SCMH1: variants seen among roughly 807,000 people sequenced by gnomAD.
The protein encoded by SCMH1 is polycomb protein SCMH1.
A neutral mutation model predicts 70.8 loss-of-function variants in SCMH1; 37 were observed. The ratio of observed to expected loss-of-function variants is 0.52; its 90% confidence interval spans 0.40 to 0.69. The LOEUF (loss-of-function observed/expected upper bound fraction) is 0.69. Ranked by LOEUF, SCMH1 falls within the 30% of genes least tolerant of loss-of-function variation. SCMH1 has a pLI of 0.00. For synonymous variants in SCMH1, 292 were observed against 307.4 expected (o/e 0.95, Z 0.52); for missense variants, 607 against 827.3 (o/e 0.73, Z 3.27).
intron 13 of SCMH1, among the ~76,000 whole-genome samples, chr1:41,030,147 C>T (rs2148493195): frequency 6.6e-6 from 1 of 152,246 alleles, no homozygotes; most frequent in East Asian, 1.9e-4. Flanking sequence ...CCCAGGAGTT[C>T]CAGGCTGCAG....
At chr1:41,220,327 A>T (rs1440740881) in intron 1 of SCMH1, among the ~76,000 whole-genome samples, 1 of 152,240 alleles carries the variant, frequency 6.6e-6, no homozygotes, top group East Asian at 1.9e-4. Flanking sequence ...GTTTAGAGGA[A>T]GTACATCCAA....
intron 8 of SCMH1, among the ~76,000 whole-genome samples, chr1:41,092,682 A>G (rs184936623): frequency 6.6e-6 from 1 of 152,334 alleles, no homozygotes; most frequent in East Asian, 1.9e-4. Flanking sequence ...ACAAGAAAAA[A>G]TCAAATAACC....
intron 6 of SCMH1, among the ~76,000 whole-genome samples, chr1:41,133,337 A>G (rs1295656551): frequency 1.3e-5 from 2 of 152,042 alleles, no homozygotes; most frequent in Non-Finnish European, 2.9e-5. Context: ...GAAAGCAGAA[A>G]AGATCTAAAA....
chr1:41,129,523 TATA>T (rs1240529926), intron 6 of SCMH1, among the ~76,000 whole-genome samples: 1 of 152,192 alleles, frequency 6.6e-6, no homozygotes, highest in Non-Finnish European at 1.5e-5. Flanking sequence ...TAGCATGTGT[TATA>T]ATTTCCTTCC....
chr1:41,090,077 C>T (rs1165592146), intron 8 of SCMH1, among the ~76,000 whole-genome samples: 2 of 152,046 alleles, frequency 1.3e-5, no homozygotes, highest in Admixed American at 1.3e-4. Context: ...CAGGTGTGAG[C>T]CACCATGCCT....
intron 2 of SCMH1, among the ~76,000 whole-genome samples, chr1:41,178,035 T>C (rs1053698984): frequency 6.6e-6 from 1 of 152,106 alleles, no homozygotes; most frequent in Non-Finnish European, 1.5e-5. Context: ...CTAACAGCTG[T>C]TCTCTCGGCA....
intron 8 of SCMH1, among the ~76,000 whole-genome samples, chr1:41,084,893 T>C (rs528595522): frequency 0.013 from 1,958 of 146,992 alleles, 45 homozygotes; most frequent in African/African-American, 0.047. Flanking sequence ...AACCAAACAC[T>C]GCATATTCTC....
exon 6 of SCMH1, chr1:41,143,106 T>C (rs758892838): frequency 6.2e-7 from 1 of 1,613,866 alleles, no homozygotes; most frequent in South Asian, 1.1e-5. Context: ...CTTGGAGGTG[T>C]GTAGGACTGG....
chr1:41,180,276 C>T (rs1648350964), intron 2 of SCMH1, among the ~76,000 whole-genome samples: 1 of 152,176 alleles, frequency 6.6e-6, no homozygotes, highest in South Asian at 2.1e-4. Flanking sequence ...TGGGCCAACA[C>T]TGGAAGCATT....
intron 10 of SCMH1, 106 bp downstream of exon 10, chr1:41,070,488 AC>A (rs1446632349): frequency 1.5e-6 from 2 of 1,370,958 alleles, no homozygotes; most frequent in African/African-American, 2.9e-5. Flanking sequence ...AAAATATTTT[AC>A]CTAGGTTTAC....
chr1:41,094,679 C>T (rs1401543634), intron 8 of SCMH1, among the ~76,000 whole-genome samples: 1 of 152,052 alleles, frequency 6.6e-6, no homozygotes, highest in Non-Finnish European at 1.5e-5. Context: ...CACCTGAGGT[C>T]AGAAGTTTTG....
intron 8 of SCMH1, among the ~76,000 whole-genome samples, chr1:41,102,172 CATGT>C (rs1666799593): frequency 1.3e-5 from 2 of 149,332 alleles, no homozygotes; most frequent in African/African-American, 4.9e-5. Context: ...CATGCACACG[CATGT>C]GTGTGTGTGT....
intron 2 of SCMH1, among the ~76,000 whole-genome samples, chr1:41,164,116 C>A (rs535292475): frequency 1.3e-5 from 2 of 152,226 alleles, no homozygotes; most frequent in Admixed American, 6.5e-5. Flanking sequence ...CATTCTCTGG[C>A]AAACACTCTT....
intron 4 of SCMH1, chr1:41,152,692 G>A: frequency 6.2e-7 from 1 of 1,614,098 alleles, no homozygotes. Flanking sequence ...AGTTTCCTCT[G>A]TAGTGGAGCA....
chr1:41,040,247 A>C (rs1645947907), intron 12 of SCMH1, among the ~76,000 whole-genome samples: 2 of 152,236 alleles, frequency 1.3e-5, no homozygotes, highest in African/African-American at 4.8e-5. Flanking sequence ...TGGTACATGC[A>C]GAGGTAAACA....
chr1:41,103,616 C>T (rs1572142734), intron 8 of SCMH1, among the ~76,000 whole-genome samples: 1 of 152,220 alleles, frequency 6.6e-6, no homozygotes, highest in East Asian at 1.9e-4. Context: ...TCTATGTATT[C>T]CCAAGAAAAC....
At chr1:41,152,682 A>C (rs1645174055) in intron 4 of SCMH1, 2 of 1,614,046 alleles carry the variant, frequency 1.2e-6, no homozygotes, top group Non-Finnish European at 1.7e-6. Context: ...CATTTCTTGA[A>C]GTTTCCTCTG....
At chr1:41,109,377 G>A (rs1476616206) in intron 8 of SCMH1, among the ~76,000 whole-genome samples, 1 of 152,196 alleles carries the variant, frequency 6.6e-6, no homozygotes, top group African/African-American at 2.4e-5. Context: ...CAGAAGGTAG[G>A]AAAGAAGGAG....
chr1:41,049,995 G>A (rs954774655), intron 10 of SCMH1, among the ~76,000 whole-genome samples: 14 of 151,858 alleles, frequency 9.2e-5, no homozygotes, highest in African/African-American at 3.1e-4. Context: ...GTTCAAGGCT[G>A]CAGTGAGCTG....
Sources: allele counts gnomAD v4.1 joint callset (sites outside exome capture counted in the v4.1 genomes callset), GRCh38; gene constraint gnomAD v4.1.1; transcripts MANE v1.5; gene names NCBI Gene and HGNC (gene_info 2026-07-23, HGNC 2026-07-21).